The following GOLGA6L2 variants were observed in gnomAD, a reference collection of about 807,000 sequenced individuals.
GOLGA6L2 encodes the protein golgin subfamily A member 6-like protein 2.
A neutral mutation model predicts 35.9 loss-of-function variants in GOLGA6L2; 30 were observed. The ratio of observed to expected loss-of-function variants is 0.83; its 90% CI spans 0.62 to 1.13. GOLGA6L2 has a LOEUF of 1.13. Ranked by LOEUF, GOLGA6L2 falls within the 50% of genes most tolerant of loss-of-function variation. The pLI is 0.00. For missense variants in GOLGA6L2, 821 were observed against 973.4 expected (o/e 0.84, Z 2.08); for synonymous variants, 297 against 344.0 (o/e 0.86, Z 1.51).
In GOLGA6L2 at chr15:23,444,186, C is replaced by T; in HGVS notation, c.270G>A (p.Gln90=). ...KEEKKASHQH[Q]EALRREIEAQ... is the part of the protein sequence containing the mutation. ...CCTCTATCTCCCGCCTTAGGGCTTC[C>T]TGATGTTGGTGGCTTGCCTTCTTTT... is the stretch of plus-strand genomic sequence containing the variant. The change falls in exon 4 of 8, where the codon CAG becomes CAA. Residue 90 remains glutamine, a synonymous_variant. Coordinates refer to ENST00000567107, the MANE Select transcript of GOLGA6L2 (RefSeq NM_001304388.2). 1 of 1,604,894 alleles carries T rather than the reference C, an allele frequency of 6.2e-7. No individual in the cohort carries two copies. Among genetic ancestry groups the T allele is most frequent in the African/African-American group, 1.3e-5 (1 of 75,030 alleles).
chr15:23,441,118 G>A lies in GOLGA6L2; in HGVS notation c.1357C>T (p.Arg453Trp), dbSNP rs145442031. 813 of 1,514,618 alleles carry A rather than the reference G, an allele frequency of 5.4e-4. 19 individuals carry two copies. The African/African-American group carries it at 9.6e-3, about 18-fold the overall frequency. 93.8% of individuals were successfully genotyped at this position (1,514,618 alleles called of 1,614,324 possible). Residue 453 changes from arginine to tryptophan, a missense_variant, in exon 8 of 8, where the codon CGG becomes TGG. Physicochemically the swap from Arg to Trp is moderately radical, Grantham distance 101. Coordinates refer to ENST00000567107, the MANE Select transcript of GOLGA6L2 (RefSeq NM_001304388.2). The stretch of plus-strand genomic sequence containing the variant: ...TCCCGCATCTTCTTCTCCCGCTCCC[G>A]TATCCTCTCCTCCTCTTGCATCTTC... ...EEKMQEEERI[R>W]EREKKMREEE...
chr15:23,442,218 G>T, intron 6 of GOLGA6L2, 98 bp from the exon 7 acceptor site: 1 of 1,357,130 alleles, frequency 7.4e-7, no homozygotes, highest in East Asian at 2.4e-5. Context: ...ACAGAACCGT[G>T]GCACTGGAAG....
chr15:23,440,980 TCTC>T lies in GOLGA6L2; in HGVS notation c.1492_1494del (p.Glu498del). 2 of 1,536,152 alleles carry T rather than the reference TCTC, an allele frequency of 1.3e-6. No individual in the cohort carries two copies. The highest frequency in any genetic ancestry group is 1.8e-6 in the Non-Finnish European group (2 of 1,140,676). On this transcript the variant is annotated inframe_deletion, in exon 8 of 8. Coordinates refer to ENST00000567107, the MANE Select transcript of GOLGA6L2 (RefSeq NM_001304388.2). Reference sequence around the variant, plus strand: ...TGCATCTTCTCCTGTTCCCACAGCTTCTCCTTCTGTTCCGGCAGCCTCTGCTGC... The same window carrying T: ...TGCATCTTCTCCTGTTCCCACAGCTTCTTCTGTTCCGGCAGCCTCTGCTGC...
chr15:23,442,425 C>A, intron 6 of GOLGA6L2, 25 bp downstream of exon 6: 1 of 1,591,038 alleles, frequency 6.3e-7, no homozygotes, highest in Non-Finnish European at 8.5e-7. Flanking sequence ...CCCCAGACCT[C>A]CCATCCCACC....
rs764343555 is a variant in GOLGA6L2 at position 23,444,492 on chromosome 15, C to A, written c.222G>T (p.Gln74His). 6.3e-7 allele frequency: 1 copy of A among 1,599,742 alleles called. No individual in the cohort carries two copies. Among genetic ancestry groups the A allele is most frequent in the Admixed American group, 1.7e-5 (1 of 59,968 alleles). The part of the protein sequence containing the change: ...EGCHSPEDTQ[Q>H]NRAQLKEEKK... ...TTACTTCTTTCAGCTGCGCTCGGTT[C>A]TGTTGTGTCTGTGGGGAGAGTCAAA... is the stretch of plus-strand genomic sequence containing the variant. The change falls in exon 3 of 8, where the codon CAG becomes CAT. Residue 74 changes from glutamine to histidine, a missense_variant. Gln to His is a conservative substitution (Grantham distance 24, BLOSUM62 0). Around this residue, in one of 7 missense-constraint regions of GOLGA6L2, gnomAD observed 614 missense variants for 632.3 expected, o/e 0.97. Coordinates refer to ENST00000567107, the MANE Select transcript of GOLGA6L2 (RefSeq NM_001304388.2).
rs1205748129 is a variant in GOLGA6L2, at chr15:23,439,775, G to T, written c.2700C>A (p.Ala900=). Residue 900 remains alanine, a synonymous_variant, in exon 8 of 8, where the codon GCC becomes GCA. Transcript: ENST00000567107. Reference sequence around the variant, plus strand: ...AAGAACTTTGGAGGGAGGGAGGCAGGGCTCTGAGCACCGCTCCTCGTGCTC... The same window carrying T: ...AAGAACTTTGGAGGGAGGGAGGCAGTGCTCTGAGCACCGCTCCTCGTGCTC... The part of the protein sequence containing the change: ...AARARGAVLR[A]LPPSLQSSL 1 of 1,534,960 alleles carries T rather than the reference G, an allele frequency of 6.5e-7. No individual in the cohort carries two copies. The highest frequency in any genetic ancestry group is 1.2e-5 in the South Asian group (1 of 83,942).
chr15:23,439,521 G>T lies in GOLGA6L2; in HGVS notation c.*224C>A. The T allele has an allele frequency of 7.2e-7, 1 of 1,389,626 alleles. No individual in the cohort carries two copies. Among genetic ancestry groups the T allele is most frequent in the Non-Finnish European group, 9.8e-7 (1 of 1,019,178 alleles). The allele number at this position is 1,389,626 out of a possible 1,614,324, so 86.1% of individuals were successfully genotyped here. A position where few individuals can be genotyped will look rare whatever the true frequency, so the allele number is the denominator to read the frequency against. On this transcript the variant is annotated 3_prime_UTR_variant, in exon 8 of 8. Coordinates refer to ENST00000567107, the MANE Select transcript of GOLGA6L2 (RefSeq NM_001304388.2). ...GACATGGCGGCTTATGCTTCTGTAG[G>T]CCTTGTTGACAGTGCCAACTTTTAG...
chr15:23,442,531 T>G, intron 5 of GOLGA6L2, 23 bp from the exon 6 acceptor site: 1 of 1,580,972 alleles, frequency 6.3e-7, no homozygotes, highest in South Asian at 1.1e-5. Context: ...AAAGGTTAAG[T>G]CAGGACAGAG....
At position 23,447,135 on chromosome 15, in the gene GOLGA6L2, T is replaced by G. The variant is rs776873030; in HGVS notation, c.47A>C (p.Lys16Thr). The change falls in exon 1 of 8, where the codon AAA becomes ACA. Residue 16 changes from lysine (K) to threonine (T), a missense_variant. Lys to Thr is a moderately conservative substitution (Grantham distance 78, BLOSUM62 -1). This residue lies in a region of GOLGA6L2 where 48 missense variants were observed against 31.7 expected (regional missense o/e 1.51). Transcript: ENST00000567107. ...CTCAGCCAATTTGTTCTGTCTGGTT[T>G]TTTCTGACATCATGGGGTGGGGAGG... ...HLPPHPMMSE[K>T]TRQNKLAEAK... is the part of the protein sequence containing the mutation. The G allele has an allele frequency of 5.6e-6, 9 of 1,601,252 alleles. No individual in the cohort carries two copies. The African/African-American group carries it at 1.2e-4, about 21-fold the overall frequency.
At position 23,441,665 on chromosome 15, in the gene GOLGA6L2, C is replaced by T. The variant is rs1245418410; in HGVS notation, c.810G>A (p.Leu270=). The T allele has an allele frequency of 6.6e-7, 1 of 1,526,434 alleles. No homozygotes were observed. Among genetic ancestry groups the T allele is most frequent in the East Asian group, 2.4e-5 (1 of 40,822 alleles). The allele number at this position is 1,526,434 out of a possible 1,614,324, so 94.6% of individuals were successfully genotyped here. A position where few individuals can be genotyped will look rare whatever the true frequency, so the allele number is the denominator to read the frequency against. ...FLLPQVQTNT[L]QEEMWRQEEE... ...CCTCCTGCCTCCACATCTCCTCCTG[C>T]AAAGTGTTGGTTTGAACCTCAAAAG... Residue 270 remains leucine, a synonymous_variant, in exon 8 of 8, where the codon TTG becomes TTA. Transcript: ENST00000567107.
In GOLGA6L2 at chr15:23,441,171, T is replaced by C. The variant is rs768964512; in HGVS notation, c.1304A>G (p.Gln435Arg). ...CTCCTGGTCCCGCGTCTTCTTCTCCTGCTCCTGCATCTTCTTCTCCTCCCG... is the reference window on the plus strand; with the variant it reads ...CTCCTGGTCCCGCGTCTTCTTCTCCCGCTCCTGCATCTTCTTCTCCTCCCG... ...KMREEKKMQE[Q>R]EKKTRDQEEK... is the part of the protein sequence containing the mutation. The change falls in exon 8 of 8, where the codon CAG (glutamine) becomes CGG (arginine). Residue 435 changes from glutamine to arginine, a missense_variant. Coordinates refer to ENST00000567107, the MANE Select transcript of GOLGA6L2 (RefSeq NM_001304388.2). The C allele has an allele frequency of 1.6e-5, 25 of 1,538,272 alleles. No homozygotes were observed. The South Asian group carries it at 2.9e-4, about 18-fold the overall frequency.
At chr15:23,445,026 C>T (rs548519019) in intron 2 of GOLGA6L2, among the ~76,000 whole-genome samples, 2 of 134,226 alleles carry the variant, frequency 1.5e-5, no homozygotes, top group Non-Finnish European at 3.3e-5. Flanking sequence ...ACAGCAGGCC[C>T]TGGACTAGGG....
In GOLGA6L2 at chr15:23,440,726, T is replaced by C; in HGVS notation, c.1749A>G (p.Gly583=). 1 of 1,513,896 alleles carries C rather than the reference T, an allele frequency of 6.6e-7. No individual in the cohort carries two copies. The highest frequency in any genetic ancestry group is 8.9e-7 in the Non-Finnish European group (1 of 1,127,070). The allele number at this position is 1,513,896 out of a possible 1,614,324, so 93.8% of individuals were successfully genotyped here. ...VGPGGEDVGA[G]REAAGEGGEN... is the part of the protein sequence containing the mutation. ...CTCCTCCTTCTCCCGCAGCCTCTCGTCCTGCTCCCACATCCTCTCCTCCTG... is the reference window on the plus strand; with the variant it reads ...CTCCTCCTTCTCCCGCAGCCTCTCGCCCTGCTCCCACATCCTCTCCTCCTG... Residue 583 remains glycine, a synonymous_variant, in exon 8 of 8, where the codon GGA becomes GGG. Coordinates refer to ENST00000567107, the MANE Select transcript of GOLGA6L2 (RefSeq NM_001304388.2).
chr15:23,442,948 A>G (rs1313884890), intron 5 of GOLGA6L2, among the ~76,000 whole-genome samples: 1 of 152,072 alleles, frequency 6.6e-6, no homozygotes, highest in Non-Finnish European at 1.5e-5. Flanking sequence ...TAATATTGCT[A>G]TTGCTATTAC....
chr15:23,443,283 G>T (rs1049311506), intron 5 of GOLGA6L2, among the ~76,000 whole-genome samples: 2 of 152,108 alleles, frequency 1.3e-5, no homozygotes, highest in African/African-American at 4.8e-5. Flanking sequence ...AGAAGGTAGA[G>T]AAGGGAAATA....
rs925912028 is a variant in GOLGA6L2, at chr15:23,439,206, G to A, written c.*539C>T. Among the ~76,000 whole-genome samples the A allele has an allele frequency of 6.9e-6, 1 of 144,120 alleles. No homozygotes were observed. Among genetic ancestry groups the A allele is most frequent in the Non-Finnish European group, 1.5e-5 (1 of 67,070 alleles). The allele number at this position is 144,120 out of a possible 152,430, so 94.5% of individuals were successfully genotyped here. ...CGCTCTGTCATCCAGGCTGGAATGC[G>A]GTGGTGTGATCTTGGCTCACTGCAG... On this transcript the variant is annotated 3_prime_UTR_variant, in exon 8 of 8. Coordinates refer to ENST00000567107, the MANE Select transcript of GOLGA6L2 (RefSeq NM_001304388.2).
At chr15:23,444,425 C>T in intron 3 of GOLGA6L2, 46 bp downstream of exon 3, 3 of 1,590,422 alleles carry the variant, frequency 1.9e-6, no homozygotes, top group Non-Finnish European at 1.7e-6. Context: ...CATCTGAGTG[C>T]CCTCCAAACC....
Sources: allele counts gnomAD v4.1 joint callset (sites outside exome capture counted in the v4.1 genomes callset), GRCh38; gene constraint gnomAD v4.1.1; regional missense constraint gnomAD v4.1.1; transcripts MANE v1.5; gene names NCBI Gene and HGNC (gene_info 2026-07-23, HGNC 2026-07-21).